The following AFG1L variants were observed in gnomAD, a reference collection of about 807,000 sequenced individuals.
AFG1L encodes AFG1 like ATPase, also known as AFG1-like ATPase.
AFG1L carries 53 observed loss-of-function variants against 62.2 expected under a neutral mutation model. The ratio of observed to expected loss-of-function variants is 0.85; its 90% confidence interval spans 0.68 to 1.07. AFG1L has a LOEUF of 1.07. Ranked by LOEUF, AFG1L falls within the 50% of genes least tolerant of loss-of-function variation. The pLI is 0.00. For synonymous variants in AFG1L, 228 were observed against 210.3 expected (o/e 1.08, Z -0.73); for missense variants, 555 against 590.5 (o/e 0.94, Z 0.62).
intron 10 of AFG1L, among the ~76,000 whole-genome samples, chr6:108,502,651 T>C (rs537936685): frequency 2.0e-5 from 3 of 152,188 alleles, no homozygotes; most frequent in Non-Finnish European, 4.4e-5. Context: ...CTTGCCTCAA[T>C]GTTGATGACT....
rs552184686 is a variant in AFG1L at position 108,394,483 on chromosome 6, TC to T, written c.749-7512del. On this transcript the variant is annotated intron_variant, in intron 6 of 12. Transcript: ENST00000368977. ...TTTTTATCTGTCACTACCAAACCTG[TC>T]GTCCCTTCCCCAGGCAGCTACTGAT... Among the ~76,000 whole-genome samples, 298 of 152,186 alleles carry T rather than the reference TC, an allele frequency of 2.0e-3. 3 individuals carry two copies. Among genetic ancestry groups the T allele is most frequent in the Admixed American group, 1.8e-3 (27 of 15,284 alleles).
chr6:108,427,978 G>A lies in AFG1L; in HGVS notation c.808-19236G>A, dbSNP rs552326021. Among the ~76,000 whole-genome samples, 13 of 152,268 alleles carry A rather than the reference G, an allele frequency of 8.5e-5. No homozygotes were observed. In the East Asian group the frequency reaches 2.5e-3, roughly 29 times the overall value. On this transcript the variant is annotated intron_variant, in intron 7 of 12. Coordinates refer to ENST00000368977, the MANE Select transcript of AFG1L (RefSeq NM_145315.5). ...TATTTGTATTTCAGTAGCTTTTGGG[G>A]TACAAGTGATTTTTGGTTACATGAA...
At chr6:108,519,079 GT>G in intron 11 of AFG1L, among the ~76,000 whole-genome samples, 1 of 152,292 alleles carries the variant, frequency 6.6e-6, no homozygotes, top group Middle Eastern at 3.4e-3. Flanking sequence ...TTCCAGTTCT[GT>G]GAGGTCTGAG....
intron 2 of AFG1L, among the ~76,000 whole-genome samples, chr6:108,337,165 T>G (rs1192372140): frequency 6.6e-6 from 1 of 152,226 alleles, no homozygotes; most frequent in Admixed American, 6.5e-5. Flanking sequence ...TTGAAAGGAA[T>G]GTAGCACGAT....
At chr6:108,320,275 G>T (rs888623967) in intron 1 of AFG1L, among the ~76,000 whole-genome samples, 1 of 152,132 alleles carries the variant, frequency 6.6e-6, no homozygotes, top group Non-Finnish European at 1.5e-5. Context: ...AAAATAGTGG[G>T]ACATCTTGAA....
At chr6:108,348,148 G>C (rs1303120004) in intron 3 of AFG1L, among the ~76,000 whole-genome samples, 2 of 152,084 alleles carry the variant, frequency 1.3e-5, no homozygotes, top group Non-Finnish European at 1.5e-5. Flanking sequence ...GCGCGATCTC[G>C]GCTCACTGCA....
chr6:108,465,404 GTT>G (rs1342373825), intron 8 of AFG1L, among the ~76,000 whole-genome samples: 20 of 152,196 alleles, frequency 1.3e-4, no homozygotes, highest in African/African-American at 4.8e-4. Flanking sequence ...TTTAATCACT[GTT>G]TGTATTTTTA....
At chr6:108,399,769 CTTTTTTTT>C (rs757924406) in intron 6 of AFG1L, among the ~76,000 whole-genome samples, 482 of 42,664 alleles carry the variant, frequency 0.011, 5 homozygotes, top group African/African-American at 0.044. Context: ...AAGTATCTCT[CTTTTTTTT>C]TTTTTTTTTT....
intron 8 of AFG1L, among the ~76,000 whole-genome samples, chr6:108,457,359 T>C (rs1772290299): frequency 6.6e-6 from 1 of 152,074 alleles, no homozygotes; most frequent in African/African-American, 2.4e-5. Context: ...TAATAGTCAC[T>C]TTAGGGCATA....
chr6:108,523,597 TA>T lies in AFG1L; in HGVS notation c.*1174del, dbSNP rs1208978608. 1.3e-5 allele frequency: 2 copies of T among 152,190 alleles called. No homozygotes were observed. The highest frequency in any genetic ancestry group is 2.9e-5 in the Non-Finnish European group (2 of 68,034). 9.4% of individuals were successfully genotyped at this position (152,190 alleles called of 1,614,324 possible). On this transcript the variant is annotated 3_prime_UTR_variant, in exon 13 of 13. Coordinates refer to ENST00000368977, the MANE Select transcript of AFG1L (RefSeq NM_145315.5). ...AGTCCAATGAATACAATGGTCAACA[TA>T]AGTAAGCTCTTTGAACCTATTTATT...
chr6:108,458,715 A>G (rs937388412), intron 8 of AFG1L, among the ~76,000 whole-genome samples: 7 of 152,108 alleles, frequency 4.6e-5, no homozygotes, highest in Non-Finnish European at 1.0e-4. Flanking sequence ...GTCTTTGTCT[A>G]CTAATACTAT....
At chr6:108,321,747 C>T (rs1357983239) in intron 1 of AFG1L, among the ~76,000 whole-genome samples, 2 of 152,172 alleles carry the variant, frequency 1.3e-5, no homozygotes, top group Non-Finnish European at 2.9e-5. Flanking sequence ...TACTGTGAGG[C>T]CTAGTGTTCC....
chr6:108,389,213 T>C (rs1342358201), intron 6 of AFG1L, among the ~76,000 whole-genome samples: 1 of 152,196 alleles, frequency 6.6e-6, no homozygotes, highest in Non-Finnish European at 1.5e-5. Context: ...TGCCTTTTTT[T>C]GTTTTCCATT....
At chr6:108,311,979 C>G (rs1777430432) in intron 1 of AFG1L, among the ~76,000 whole-genome samples, 1 of 152,058 alleles carries the variant, frequency 6.6e-6, no homozygotes, top group African/African-American at 2.4e-5. Flanking sequence ...ATTCTCATGC[C>G]TCAGCCTCCC....
In AFG1L at chr6:108,503,573, C is replaced by G. The variant is rs911590839; in HGVS notation, c.1063-6639C>G. On this transcript the variant is annotated intron_variant, in intron 10 of 12. Transcript: ENST00000368977. ...GTGCTGTCATCCAGGCTTTGTTGTT[C>G]CATTTTTAGGGCACAGGCAGAGTAG... Among the ~76,000 whole-genome samples the G allele has an allele frequency of 4.6e-5, 7 of 152,306 alleles. No individual in the cohort carries two copies. The South Asian group carries it at 1.2e-3, about 27-fold the overall frequency.
At chr6:108,402,279 A>G (rs542334420) in intron 7 of AFG1L, among the ~76,000 whole-genome samples, 1 of 152,206 alleles carries the variant, frequency 6.6e-6, no homozygotes, top group Non-Finnish European at 1.5e-5. Context: ...CCTGACCAAC[A>G]TGGTGAAACC....
At chr6:108,355,243 T>G (rs1287373010) in intron 3 of AFG1L, among the ~76,000 whole-genome samples, 1 of 152,092 alleles carries the variant, frequency 6.6e-6, no homozygotes, top group African/African-American at 2.4e-5. Context: ...GCCCAGCCTC[T>G]TATTTTTCAT....
At chr6:108,338,734 A>G (rs1262557106) in intron 2 of AFG1L, among the ~76,000 whole-genome samples, 1 of 152,198 alleles carries the variant, frequency 6.6e-6, no homozygotes, top group Non-Finnish European at 1.5e-5. Context: ...TGCAGAAATA[A>G]TGCTTTATGC....
At chr6:108,432,945 T>C (rs1771139448) in intron 7 of AFG1L, among the ~76,000 whole-genome samples, 1 of 152,334 alleles carries the variant, frequency 6.6e-6, no homozygotes, top group South Asian at 2.1e-4. Context: ...CCTATGCCAG[T>C]TAGCTTTTGC....
Sources: gnomAD v4.1 joint callset for allele counts (sites outside exome capture counted in the v4.1 genomes callset) on GRCh38, gnomAD v4.1.1 for gene constraint, MANE v1.5 for transcripts, NCBI Gene and HGNC (gene_info 2026-07-23, HGNC 2026-07-21) for gene names.